ZNF362: variants seen among roughly 807,000 people sequenced by gnomAD.
ZNF362 encodes rotund homolog.
Under a neutral mutation model 42.9 loss-of-function variants are expected in ZNF362, and 11 were observed. That is an observed-to-expected ratio of 0.26 (90% confidence interval 0.16 to 0.42). ZNF362 has a LOEUF of 0.42. Ranked by LOEUF, ZNF362 falls within the 20% of genes least tolerant of loss-of-function variation. ZNF362 has a pLI of 1.00. For missense variants in ZNF362, 362 were observed against 576.2 expected, an observed-to-expected ratio of 0.63 and a Z score of 3.81; for synonymous variants, 255 against 257.3, an observed-to-expected ratio of 0.99 and a Z score of 0.09.
At chr1:33,253,231 G>A (rs1193509932), upstream of ZNF362, among the ~76,000 whole-genome samples, 2 of 144,704 alleles carry the variant, frequency 1.4e-5, no homozygotes, top group Admixed American at 1.4e-4. Flanking sequence ...TAGTATGGCT[G>A]GATTTGGGGG....
the ZNF362 span, among the ~76,000 whole-genome samples, chr1:33,201,149 T>C: frequency 6.6e-6 from 1 of 152,174 alleles, no homozygotes; most frequent in Admixed American, 6.5e-5. Flanking sequence ...AAGCAAAAAC[T>C]GATAGAACGA....
chr1:33,212,557 G>T, the ZNF362 span, among the ~76,000 whole-genome samples: 1 of 152,050 alleles, frequency 6.6e-6, no homozygotes, highest in Non-Finnish European at 1.5e-5. Context: ...CTAGGCATCT[G>T]CTTGGCTTCT....
chr1:33,161,058 T>C, the ZNF362 span, among the ~76,000 whole-genome samples: 2 of 152,274 alleles, frequency 1.3e-5, no homozygotes, highest in South Asian at 2.1e-4. This position sits in a 1 kb window ranked among gnomAD's most constrained non-coding sequence, Gnocchi z 4.3. Flanking sequence ...GCCTAAGAGC[T>C]GTGAACCTTA....
At chr1:33,254,008 G>T (rs1447130081), upstream of ZNF362, among the ~76,000 whole-genome samples, 1 of 152,042 alleles carries the variant, frequency 6.6e-6, no homozygotes, top group African/African-American at 2.4e-5. Context: ...GTTACTATTT[G>T]TTACGATTTG....
At chr1:33,205,532 G>GA in the ZNF362 span, among the ~76,000 whole-genome samples, 8 of 151,434 alleles carry the variant, frequency 5.3e-5, no homozygotes, top group Non-Finnish European at 1.0e-4. Flanking sequence ...AAATAACTTT[G>GA]AAAAAAAAGA....
chr1:33,189,179 C>T, the ZNF362 span, among the ~76,000 whole-genome samples: 2 of 152,140 alleles, frequency 1.3e-5, no homozygotes, highest in East Asian at 3.9e-4. Flanking sequence ...CTTTTGTTTT[C>T]CACCAACCTA....
chr1:33,282,203 C>G (rs575746536), intron 6 of ZNF362, among the ~76,000 whole-genome samples: 4 of 152,212 alleles, frequency 2.6e-5, no homozygotes, highest in Non-Finnish European at 5.9e-5. Context: ...TAGGCTGTCA[C>G]GCCCGTGTCT....
chr1:33,133,976 G>A, the ZNF362 span, among the ~76,000 whole-genome samples: 4 of 152,206 alleles, frequency 2.6e-5, no homozygotes, highest in Non-Finnish European at 2.9e-5. Flanking sequence ...TGCCTCTGCT[G>A]TTACCACTTA....
the ZNF362 span, among the ~76,000 whole-genome samples, chr1:33,161,507 G>T: frequency 6.6e-6 from 1 of 152,154 alleles, no homozygotes; most frequent in Non-Finnish European, 1.5e-5. This position sits in a 1 kb window ranked among gnomAD's most constrained non-coding sequence, Gnocchi z 4.3. Context: ...CCTCCCCGAC[G>T]CGCGGCTGCT....
Position 33,256,913 on chromosome 1 carries a change from CGT to C in ZNF362, c.-89+271_-89+272del, listed in dbSNP as rs140287361. On this transcript the variant is annotated intron_variant, in intron 1 of 8. Transcript: ENST00000539719. ...TGGGGCTGGTCTCCGAGTGTGTGTG[CGT>C]GTGTGTGTGTGCGCGCGCGTGTGTG... Among the ~76,000 whole-genome samples, 130 of 149,708 alleles carry C rather than the reference CGT, an allele frequency of 8.7e-4. 1 individual carries two copies. Among genetic ancestry groups the C allele is most frequent in the Admixed American group, 7.2e-3 (108 of 15,088 alleles).
At chr1:33,272,690 G>A (rs866145130) in intron 2 of ZNF362, among the ~76,000 whole-genome samples, 4 of 151,878 alleles carry the variant, frequency 2.6e-5, no homozygotes, top group Non-Finnish European at 5.9e-5. Context: ...CCCTCACCAG[G>A]TCCTCAGATA....
Position 33,282,107 on chromosome 1 carries a change from G to A in ZNF362, c.908+296G>A, listed in dbSNP as rs186329666. 3.0e-4 allele frequency: 128 copies of A among 429,186 alleles called. No individual in the cohort carries two copies. In the East Asian group the frequency reaches 4.8e-3, roughly 16 times the overall value. 26.6% of individuals were successfully genotyped at this position (429,186 alleles called of 1,614,324 possible). On this transcript the variant is annotated intron_variant, in intron 6 of 8. Coordinates refer to ENST00000539719, the MANE Select transcript of ZNF362 (RefSeq NM_152493.3). ...CCTCTCTCAGTCTAGCTTCCTCCAG[G>A]AAGCCCTCCCTGATTGCTCTAGCTG...
At chr1:33,248,121 C>T in the ZNF362 span, among the ~76,000 whole-genome samples, 6 of 152,260 alleles carry the variant, frequency 3.9e-5, no homozygotes, top group Non-Finnish European at 7.3e-5. Context: ...CCCTGTATAT[C>T]TATCTGACCT....
intron 6 of ZNF362, among the ~76,000 whole-genome samples, chr1:33,287,314 C>T (rs1309318512): frequency 6.6e-6 from 1 of 152,114 alleles, no homozygotes; most frequent in East Asian, 1.9e-4. Flanking sequence ...ATGTTGAGAC[C>T]CATCTCTACA....
At chr1:33,209,658 G>T in the ZNF362 span, among the ~76,000 whole-genome samples, 1 of 152,194 alleles carries the variant, frequency 6.6e-6, no homozygotes, top group Non-Finnish European at 1.5e-5. Flanking sequence ...TTGAGAGGGT[G>T]TATGTGTCCA....
chr1:33,231,903 G>A, the ZNF362 span, among the ~76,000 whole-genome samples: 2 of 152,150 alleles, frequency 1.3e-5, no homozygotes, highest in South Asian at 2.1e-4. Context: ...GGTTGCTGGA[G>A]CCTAAGCCCA....
At chr1:33,176,425 G>C in the ZNF362 span, 2 of 698,050 alleles carry the variant, frequency 2.9e-6, no homozygotes, top group Non-Finnish European at 5.2e-6. Flanking sequence ...TGCGTCCAAG[G>C]CTGATCCACT....
chr1:33,166,814 C>T, the ZNF362 span, among the ~76,000 whole-genome samples: 1 of 152,222 alleles, frequency 6.6e-6, no homozygotes, highest in Non-Finnish European at 1.5e-5. Flanking sequence ...TCCTTTGTCT[C>T]AGGTTCCAGT....
At chr1:33,128,498 T>C in the ZNF362 span, among the ~76,000 whole-genome samples, 1 of 152,234 alleles carries the variant, frequency 6.6e-6, no homozygotes, top group Non-Finnish European at 1.5e-5. Context: ...ACGTATGAAG[T>C]AACTTGTCTA....
Sources: gnomAD v4.1 joint callset for allele counts (sites outside exome capture counted in the v4.1 genomes callset) on GRCh38, gnomAD v4.1.1 for gene constraint, Gnocchi (gnomAD v3.1) non-coding constraint, MANE v1.5 for transcripts, NCBI Gene and HGNC (gene_info 2026-07-23, HGNC 2026-07-21) for gene names.